The following NUBPL variants were observed in gnomAD, a reference collection of about 807,000 sequenced individuals.
NUBPL encodes NUBP iron-sulfur cluster assembly factor, mitochondrial.
NUBPL carries 31 observed loss-of-function variants against 45.7 expected under a neutral mutation model. The observed-to-expected ratio is 0.68, with a 90% CI of 0.51 to 0.92. NUBPL has a LOEUF of 0.92. NUBPL is among the 40% of genes least tolerant of loss of function. The pLI is 0.00. For missense variants in NUBPL, 401 were observed against 398.7 expected, an observed-to-expected ratio of 1.01 and a Z score of -0.05; for synonymous variants, 144 against 140.9, an observed-to-expected ratio of 1.02 and a Z score of -0.15.
intron 4 of NUBPL, among the ~76,000 whole-genome samples, chr14:31,649,862 C>T (rs1157965560): frequency 2.0e-5 from 3 of 151,564 alleles, no homozygotes; most frequent in Non-Finnish European, 4.4e-5. Context: ...TAAAAATTCA[C>T]TTTTTTTTTG....
chr14:31,817,826 T>G (rs2039946989), intron 7 of NUBPL, among the ~76,000 whole-genome samples: 1 of 152,194 alleles, frequency 6.6e-6, no homozygotes, highest in Non-Finnish European at 1.5e-5. Flanking sequence ...ACCTTAAATG[T>G]AAGTGGGGTA....
intron 6 of NUBPL, among the ~76,000 whole-genome samples, chr14:31,782,425 T>C (rs1001859169): frequency 6.6e-6 from 1 of 150,698 alleles, no homozygotes; most frequent in East Asian, 2.0e-4. Flanking sequence ...AAGAAACACC[T>C]TTTGGCACAG....
intron 4 of NUBPL, among the ~76,000 whole-genome samples, chr14:31,625,840 T>C (rs2035191550): frequency 2.0e-5 from 3 of 152,090 alleles, no homozygotes. Flanking sequence ...TTAAGTACCA[T>C]AGTAAATAGT....
At chr14:31,748,457 G>A (rs1201291598) in intron 6 of NUBPL, among the ~76,000 whole-genome samples, 1 of 152,052 alleles carries the variant, frequency 6.6e-6, no homozygotes. Flanking sequence ...CTGAATATTT[G>A]CTTTGTACAT....
At chr14:31,828,019 TC>T (rs1294800769) in intron 8 of NUBPL, among the ~76,000 whole-genome samples, 1 of 144,036 alleles carries the variant, frequency 6.9e-6, no homozygotes, top group Non-Finnish European at 1.6e-5. Context: ...CTCGTGAAAA[TC>T]GAGGAGGCTT....
At position 31,792,408 on chromosome 14, in the gene NUBPL, A is replaced by G. The variant is rs145810067; in HGVS notation, c.607+4535A>G. The stretch of plus-strand genomic sequence containing the variant: ...TCCAGGAGAATTCTGGAAGTAGTCT[A>G]GAAGCAGTTTTCTTCATCTTTTAGG... On this transcript the variant is annotated intron_variant, in intron 7 of 10. Transcript: ENST00000281081. Among the ~76,000 whole-genome samples, 34 of 152,292 alleles carry G rather than the reference A, an allele frequency of 2.2e-4. 2 individuals carry two copies. In the East Asian group the frequency reaches 5.4e-3, roughly 24 times the overall value.
chr14:31,849,464 T>C (rs1164629598), intron 9 of NUBPL, among the ~76,000 whole-genome samples: 1 of 152,196 alleles, frequency 6.6e-6, no homozygotes, highest in African/African-American at 2.4e-5. Flanking sequence ...CTAATAGTAA[T>C]GTGTCCTCAA....
Position 31,702,044 on chromosome 14 carries a change from GTTCAATAATTTGTTAGAA to G in NUBPL, c.513+28471_513+28488del, listed in dbSNP as rs1296457003. On this transcript the variant is annotated intron_variant, in intron 6 of 10. Transcript: ENST00000281081. ...TAGGGGTTCCCAAGATCACCCTTAA[GTTCAATAATTTGTTAGAA>G]GGACTCAACTCACTGAAAGATGTTA... Among the ~76,000 whole-genome samples the G allele has an allele frequency of 5.2e-3, 795 of 152,202 alleles. 11 individuals carry two copies. The highest frequency in any genetic ancestry group is 0.018 in the African/African-American group (749 of 41,538).
chr14:31,744,191 G>A (rs1196593614), intron 6 of NUBPL, among the ~76,000 whole-genome samples: 2 of 152,146 alleles, frequency 1.3e-5, no homozygotes, highest in Non-Finnish European at 2.9e-5. Context: ...TGAATTTGAG[G>A]CTAAGTCACT....
chr14:31,858,314 TG>T (rs2040657745), intron 10 of NUBPL, among the ~76,000 whole-genome samples: 4 of 152,340 alleles, frequency 2.6e-5, no homozygotes, highest in African/African-American at 9.6e-5. Flanking sequence ...AGATGAGATT[TG>T]GGTGGGGACA....
At chr14:31,719,094 C>A (rs1467146205) in intron 6 of NUBPL, among the ~76,000 whole-genome samples, 1 of 152,056 alleles carries the variant, frequency 6.6e-6, no homozygotes, top group Non-Finnish European at 1.5e-5. Flanking sequence ...TACATTTGGG[C>A]AAAATGATAT....
At chr14:31,834,632 G>A (rs1192285481) in intron 8 of NUBPL, among the ~76,000 whole-genome samples, 1 of 152,124 alleles carries the variant, frequency 6.6e-6, no homozygotes, top group Middle Eastern at 3.2e-3. Flanking sequence ...ATGCTTATTT[G>A]TGACTTTCCC....
At chr14:31,625,477 CTTT>C (rs34987045) in intron 4 of NUBPL, among the ~76,000 whole-genome samples, 7 of 137,748 alleles carry the variant, frequency 5.1e-5, no homozygotes, top group Admixed American at 7.4e-5. Flanking sequence ...TCTTTTCTTT[CTTT>C]TTTTTTTTTT....
At chr14:31,839,135 C>A (rs940983822) in intron 8 of NUBPL, among the ~76,000 whole-genome samples, 3 of 151,950 alleles carry the variant, frequency 2.0e-5, no homozygotes, top group African/African-American at 4.8e-5. Flanking sequence ...GTTTTTTGTT[C>A]TTATTGCTTT....
intron 6 of NUBPL, among the ~76,000 whole-genome samples, chr14:31,723,756 G>T (rs1379231653): frequency 1.3e-5 from 2 of 152,122 alleles, no homozygotes; most frequent in Admixed American, 1.3e-4. Flanking sequence ...GACTGTTGTT[G>T]CTGTATAGGA....
chr14:31,850,105 C>T lies in NUBPL; in HGVS notation c.815-14C>T. The T allele has an allele frequency of 6.2e-7, 1 of 1,603,424 alleles. No homozygotes were observed. Among genetic ancestry groups the T allele is most frequent in the Non-Finnish European group, 8.5e-7 (1 of 1,170,434 alleles). On this transcript the variant is annotated splice_polypyrimidine_tract_variant and intron_variant, in intron 9 of 10. Coordinates refer to ENST00000281081, the MANE Select transcript of NUBPL (RefSeq NM_025152.3). The stretch of plus-strand genomic sequence containing the variant: ...CTTTTCTGGTTCTAATGGATGTCTG[C>T]TGGGCTCTTTTAGGAGACATTCCCT...
At chr14:31,808,047 C>T (rs571689287) in intron 7 of NUBPL, among the ~76,000 whole-genome samples, 7 of 152,304 alleles carry the variant, frequency 4.6e-5, no homozygotes, top group Non-Finnish European at 8.8e-5. Context: ...AGTTTGAAGT[C>T]AGGTGGCGTG....
In NUBPL at chr14:31,729,728, TGC is replaced by T. The variant is rs879429419; in HGVS notation, c.513+56155_513+56156del. ...TTGGTGTAAAAGTAATTGAAGTTTT[TGC>T]CATTTTTTTAAAATGGCAAAACTAC... is the stretch of plus-strand genomic sequence containing the variant. On this transcript the variant is annotated intron_variant, in intron 6 of 10. Coordinates refer to ENST00000281081, the MANE Select transcript of NUBPL (RefSeq NM_025152.3). 6.6e-4 allele frequency among the ~76,000 whole-genome samples: 101 copies of T among 152,296 alleles called. 1 individual carries two copies. Among genetic ancestry groups the T allele is most frequent in the African/African-American group, 2.1e-3 (88 of 41,570 alleles).
intron 6 of NUBPL, among the ~76,000 whole-genome samples, chr14:31,762,208 T>A (rs1422381492): frequency 6.6e-6 from 1 of 152,232 alleles, no homozygotes; most frequent in African/African-American, 2.4e-5. Flanking sequence ...GTATTGTGGA[T>A]AGGCCTTGAG....
Sources: allele counts gnomAD v4.1 joint callset (sites outside exome capture counted in the v4.1 genomes callset), GRCh38; gene constraint gnomAD v4.1.1; transcripts MANE v1.5; gene names NCBI Gene and HGNC (gene_info 2026-07-23, HGNC 2026-07-21).